RAB1A: variants seen among roughly 807,000 people sequenced by gnomAD.
RAB1A encodes ras-related protein Rab-1A.
In RAB1A, 2 loss-of-function variants were observed where a neutral mutation model predicts 26.0. The observed-to-expected ratio is 0.08, with a 90% confidence interval of 0.03 to 0.24. The LOEUF (loss-of-function observed/expected upper bound fraction) is 0.24, where lower values mean the gene tolerates loss of function less well. Among genes scored for constraint, RAB1A ranks in the 10% least tolerant of loss-of-function variants. The probability of loss-of-function intolerance (pLI) is 1.00; values close to 1 mark genes in which losing one functional copy is unlikely to be tolerated. For missense variants in RAB1A, 100 were observed against 247.0 expected (o/e 0.40, Z 3.99); for synonymous variants, 84 against 84.9 (o/e 0.99, Z 0.06).
Position 65,088,555 on chromosome 2 carries a change from C to T in RAB1A, c.556G>A (p.Glu186Lys). 1 of 1,613,652 alleles carries T rather than the reference C, an allele frequency of 6.2e-7. No individual in the cohort carries two copies. Among genetic ancestry groups the T allele is most frequent in the Non-Finnish European group, 8.5e-7 (1 of 1,179,778 alleles). The change falls in exon 6 of 6, where the codon GAG (glutamate) becomes AAG (lysine). Residue 186 changes from glutamate to lysine, a missense_variant. Around this residue, in one of 2 missense-constraint regions of RAB1A, gnomAD observed 67 missense variants for 122.9 expected, o/e 0.55. Coordinates refer to ENST00000409784, the MANE Select transcript of RAB1A (RefSeq NM_004161.5). ...CTCTGAATTTTAACATTGGACTTCT[C>T]AGCACCACCAGCTGTTGCTCCGGGA... ...MGPGATAGGA[E>K]KSNVKIQSTP...
intron 1 of RAB1A, among the ~76,000 whole-genome samples, chr2:65,128,664 G>T (rs1001906979): frequency 6.6e-6 from 1 of 152,166 alleles, no homozygotes; most frequent in African/African-American, 2.4e-5. Flanking sequence ...CTAAACTGGT[G>T]GGTGGACCTT....
intron 1 of RAB1A, among the ~76,000 whole-genome samples, chr2:65,123,444 A>G (rs1558588882): frequency 6.6e-6 from 1 of 152,176 alleles, no homozygotes; most frequent in South Asian, 2.1e-4. Flanking sequence ...CTGGGATTAC[A>G]GGGCACATAC....
At position 65,113,197 on chromosome 2, in the gene RAB1A, A is replaced by G. The variant is rs7578082; in HGVS notation, c.24-8391T>C. Among the ~76,000 whole-genome samples the G allele has an allele frequency of 9.5e-3, 1,446 of 152,316 alleles. 9 individuals are homozygous for G. Among genetic ancestry groups the G allele is most frequent in the Non-Finnish European group, 0.014 (975 of 68,024 alleles). On this transcript the variant is annotated intron_variant, in intron 1 of 5. Transcript: ENST00000409784. ...GCCCACCCCAGAACCCTTGTTTCAA[A>G]TTTCAGTTTAGAGTTCAATTTCCAT...
intron 4 of RAB1A, among the ~76,000 whole-genome samples, chr2:65,090,724 T>TGATCAAA (rs1365981673): frequency 6.6e-6 from 1 of 152,228 alleles, no homozygotes; most frequent in African/African-American, 2.4e-5. Context: ...CTTGGCTATT[T>TGATCAAA]GATCAAAGTT....
intron 1 of RAB1A, chr2:65,105,012 G>T: frequency 1.5e-6 from 1 of 665,278 alleles, no homozygotes; most frequent in Non-Finnish European, 2.7e-6. Context: ...TAAAAAGTAG[G>T]CAATGCCACC....
chr2:65,104,637 C>A, intron 2 of RAB1A, 97 bp downstream of exon 2: 1 of 932,422 alleles, frequency 1.1e-6, no homozygotes, highest in Non-Finnish European at 1.6e-6. Flanking sequence ...GAAGAATTAA[C>A]TTATTCTGAA....
chr2:65,096,339 A>C (rs187282662), intron 3 of RAB1A, among the ~76,000 whole-genome samples: 20 of 152,262 alleles, frequency 1.3e-4, no homozygotes, highest in Admixed American at 1.3e-3. Context: ...CAAACAAACA[A>C]AATGTTCAAA....
At chr2:65,090,949 G>T in intron 4 of RAB1A, 34 bp downstream of exon 4, 1 of 1,414,316 alleles carries the variant, frequency 7.1e-7, no homozygotes, top group Non-Finnish European at 9.8e-7. Flanking sequence ...CTTCCTACTT[G>T]GTCACTGTAA....
chr2:65,125,415 ATTTC>A (rs1324997882), intron 1 of RAB1A, among the ~76,000 whole-genome samples: 94 of 144,306 alleles, frequency 6.5e-4, no homozygotes, highest in African/African-American at 2.2e-3. Context: ...AATGTTAAGT[ATTTC>A]TTTCTTTTTT....
chr2:65,118,018 CCT>C (rs1669864660), intron 1 of RAB1A, among the ~76,000 whole-genome samples: 1 of 152,202 alleles, frequency 6.6e-6, no homozygotes, highest in Admixed American at 6.5e-5. Context: ...CTCTTCTCTG[CCT>C]CTGTTTCCTT....
chr2:65,113,451 A>T (rs1175294767), intron 1 of RAB1A, among the ~76,000 whole-genome samples: 2 of 152,196 alleles, frequency 1.3e-5, no homozygotes, highest in African/African-American at 4.8e-5. Context: ...GGTTGCAGTG[A>T]GCTAGGAATA....
intron 1 of RAB1A, among the ~76,000 whole-genome samples, chr2:65,113,767 C>G (rs1387998809): frequency 1.3e-5 from 2 of 152,058 alleles, no homozygotes; most frequent in African/African-American, 4.8e-5. Context: ...AAAGTATAAC[C>G]TCATTTTTGT....
chr2:65,092,972 C>T (rs1202019744), intron 3 of RAB1A, among the ~76,000 whole-genome samples: 1 of 152,214 alleles, frequency 6.6e-6, no homozygotes, highest in Non-Finnish European at 1.5e-5. Flanking sequence ...CCATGTAAGA[C>T]GTGCCTGCTT....
At chr2:65,105,054 A>G (rs1313593803) in intron 1 of RAB1A, 8 of 574,280 alleles carry the variant, frequency 1.4e-5, no homozygotes, top group Non-Finnish European at 2.5e-5. Flanking sequence ...ACTTCCACTT[A>G]AAAAGAAAGA....
intron 1 of RAB1A, among the ~76,000 whole-genome samples, chr2:65,110,937 T>A (rs1032368057): frequency 4.0e-5 from 6 of 148,570 alleles, no homozygotes; most frequent in Admixed American, 3.4e-4. Flanking sequence ...TCCCATCTCT[T>A]AAAAAAAAAA....
chr2:65,114,190 T>G, intron 1 of RAB1A: 2 of 436,612 alleles, frequency 4.6e-6, no homozygotes, highest in Non-Finnish European at 8.9e-6. Flanking sequence ...AAATTTAGAT[T>G]CTCAGACAAG....
intron 1 of RAB1A, among the ~76,000 whole-genome samples, chr2:65,108,345 A>G (rs1033595033): frequency 5.2e-5 from 7 of 134,852 alleles, no homozygotes; most frequent in African/African-American, 8.5e-5. Context: ...AACAAGAGCA[A>G]AACTCCATCT....
chr2:65,126,703 T>C (rs1188307903), intron 1 of RAB1A, among the ~76,000 whole-genome samples: 1 of 152,198 alleles, frequency 6.6e-6, no homozygotes, highest in Non-Finnish European at 1.5e-5. Flanking sequence ...GTTATTAAGA[T>C]AACATACTGG....
intron 4 of RAB1A, 80 bp downstream of exon 4, chr2:65,090,903 A>T: frequency 2.3e-6 from 2 of 880,136 alleles, no homozygotes; most frequent in South Asian, 4.3e-5. Flanking sequence ...CTTATATATG[A>T]AGTAGTAAAT....
Sources: gnomAD v4.1 joint callset for allele counts (sites outside exome capture counted in the v4.1 genomes callset) on GRCh38, gnomAD v4.1.1 for gene constraint, gnomAD v4.1.1 regional missense constraint, MANE v1.5 for transcripts, NCBI Gene and HGNC (gene_info 2026-07-23, HGNC 2026-07-21) for gene names.